The following SEMA3A variants were observed in gnomAD, a reference collection of about 807,000 sequenced individuals.
SEMA3A encodes semaphorin 3A.
A neutral mutation model predicts 97.9 loss-of-function variants in SEMA3A; 29 were observed. That is an observed-to-expected ratio of 0.30 (90% CI 0.22 to 0.40). SEMA3A has a LOEUF of 0.40. Among genes scored for constraint, SEMA3A ranks in the 10% least tolerant of loss-of-function variants. The pLI is 1.00. For synonymous variants in SEMA3A, 321 were observed against 323.7 expected (o/e 0.99, Z 0.09); for missense variants, 763 against 951.3 (o/e 0.80, Z 2.60).
chr7:84,425,048 A>G (rs796729893), intron 1 of SEMA3A, among the ~76,000 whole-genome samples: 1 of 103,720 alleles, frequency 9.6e-6, no homozygotes, highest in South Asian at 3.1e-4. Flanking sequence ...AATTATATAT[A>G]ATTATATAAT....
chr7:84,158,920 C>T (rs1414651709), intron 1 of SEMA3A, among the ~76,000 whole-genome samples: 4 of 151,944 alleles, frequency 2.6e-5, no homozygotes, highest in Admixed American at 6.6e-5. Context: ...CTGTAGATGA[C>T]AAGCATTTCC....
intron 1 of SEMA3A, among the ~76,000 whole-genome samples, chr7:84,423,663 T>G (rs1488124176): frequency 1.3e-5 from 2 of 152,058 alleles, no homozygotes; most frequent in East Asian, 3.8e-4. Flanking sequence ...TTTCCCCAAA[T>G]GAATATAAGC....
rs368021284 is a variant in SEMA3A at position 84,031,468 on chromosome 7, CCAAA to C, written c.667+14852_667+14855del. ...GATTGACAATAAACATGGTCAAAAACCAAACAAACAAAACCACTAAGCAATGGAA... is the reference window on the plus strand; with the variant it reads ...GATTGACAATAAACATGGTCAAAAACCAAACAAAACCACTAAGCAATGGAA... On this transcript the variant is annotated intron_variant, in intron 6 of 16. Coordinates refer to ENST00000265362, the MANE Select transcript of SEMA3A (RefSeq NM_006080.3). 3.3e-5 allele frequency among the ~76,000 whole-genome samples: 5 copies of C among 152,160 alleles called. No homozygotes were observed. In the East Asian group the frequency reaches 9.6e-4, roughly 29 times the overall value.
Position 84,232,719 on chromosome 7 carries a change from T to C in SEMA3A, c.-82-38051A>G, listed in dbSNP as rs28710138. Among the ~76,000 whole-genome samples the C allele has an allele frequency of 7.8e-4, 119 of 152,092 alleles. 1 individual carries two copies. Among genetic ancestry groups the C allele is most frequent in the African/African-American group, 2.7e-3 (114 of 41,550 alleles). ...TAATTTTCTTACAAAACTAACTTGG[T>C]GTTTCTATTTTCATTCATTTTCTTG... On this transcript the variant is annotated intron_variant, in intron 3 of 3. Transcript: ENST00000424555.
At chr7:84,200,213 A>C in intron 3 of SEMA3A, among the ~76,000 whole-genome samples, 1 of 152,074 alleles carries the variant, frequency 6.6e-6, no homozygotes, top group East Asian at 1.9e-4. Context: ...AATGTTTATG[A>C]TACTTTAAGG....
At chr7:84,145,689 T>C (rs1252055961) in intron 1 of SEMA3A, among the ~76,000 whole-genome samples, 4 of 152,228 alleles carry the variant, frequency 2.6e-5, no homozygotes, top group Non-Finnish European at 4.4e-5. Flanking sequence ...ATAAATTTCT[T>C]GAGAGTTCTG....
At chr7:84,323,173 T>G (rs1164333925) in intron 2 of SEMA3A, among the ~76,000 whole-genome samples, 1 of 152,228 alleles carries the variant, frequency 6.6e-6, no homozygotes, top group Non-Finnish European at 1.5e-5. Flanking sequence ...TTCTTTAACG[T>G]TCTCTGAAGA....
intron 5 of SEMA3A, among the ~76,000 whole-genome samples, chr7:84,047,616 C>T (rs570704598): frequency 6.6e-6 from 1 of 152,158 alleles, no homozygotes; most frequent in Non-Finnish European, 1.5e-5. Flanking sequence ...TGCCTTTCTA[C>T]ATACAGTGAG....
At chr7:84,091,172 GAAAGAAAGAAAGAAAGAAA>G (rs1794572253) in intron 4 of SEMA3A, among the ~76,000 whole-genome samples, 112 of 36,604 alleles carry the variant, frequency 3.1e-3, no homozygotes, top group African/African-American at 7.5e-3. Context: ...AGGAAGGAAA[GAAAGAAAGAAAGAAAGAAA>G]GAAAGAAAGA....
At chr7:84,148,012 G>T (rs546187600) in intron 1 of SEMA3A, among the ~76,000 whole-genome samples, 1 of 151,790 alleles carries the variant, frequency 6.6e-6, no homozygotes, top group Admixed American at 6.6e-5. Context: ...TGGGTTCAAG[G>T]GATTCTCATG....
rs1229351186 is a variant in SEMA3A, at chr7:83,957,060, A to C, written c.*4311T>G. The C allele has an allele frequency of 6.6e-6, 1 of 152,220 alleles. No homozygotes were observed. Among genetic ancestry groups the C allele is most frequent in the Non-Finnish European group, 1.5e-5 (1 of 68,106 alleles). The allele number at this position is 152,220 out of a possible 1,614,324, so 9.4% of individuals were successfully genotyped here. A position where few individuals can be genotyped will look rare whatever the true frequency, so the allele number is the denominator to read the frequency against. ...TGCTAGACACTGGGGACAGAGATCA[A>C]TTAGATACAAATCCTGCCCTCAAGG... is the stretch of plus-strand genomic sequence containing the variant. On this transcript the variant is annotated 3_prime_UTR_variant, in exon 17 of 17. Coordinates refer to ENST00000265362, the MANE Select transcript of SEMA3A (RefSeq NM_006080.3).
At chr7:84,108,670 C>A (rs915570306) in intron 4 of SEMA3A, among the ~76,000 whole-genome samples, 25 of 152,136 alleles carry the variant, frequency 1.6e-4, no homozygotes, top group African/African-American at 6.0e-4. Flanking sequence ...CTTTGGGAGG[C>A]TGAGGTGGGT....
chr7:84,337,825 A>G (rs1429694186), intron 2 of SEMA3A, among the ~76,000 whole-genome samples: 1 of 152,136 alleles, frequency 6.6e-6, no homozygotes, highest in East Asian at 1.9e-4. Flanking sequence ...GCCCCAAAGC[A>G]TTCTCAAAGA....
intron 1 of SEMA3A, among the ~76,000 whole-genome samples, chr7:84,444,941 C>T (rs964611950): frequency 1.3e-5 from 2 of 152,130 alleles, no homozygotes; most frequent in Non-Finnish European, 2.9e-5. Flanking sequence ...TTCACCCAAG[C>T]TTCTCCATAA....
intron 1 of SEMA3A, among the ~76,000 whole-genome samples, chr7:84,141,319 G>A (rs899864890): frequency 2.0e-5 from 3 of 152,158 alleles, no homozygotes; most frequent in Admixed American, 6.6e-5. Flanking sequence ...GGCCACAGCA[G>A]TCTATGAAAC....
At chr7:84,389,518 G>A (rs1051906506) in intron 1 of SEMA3A, among the ~76,000 whole-genome samples, 23 of 151,966 alleles carry the variant, frequency 1.5e-4, no homozygotes, top group Admixed American at 1.3e-3. Context: ...TGTAGTCCAC[G>A]CTGGTAGGGA....
At chr7:84,128,334 G>A (rs939468912) in intron 3 of SEMA3A, among the ~76,000 whole-genome samples, 4 of 151,532 alleles carry the variant, frequency 2.6e-5, no homozygotes, top group Non-Finnish European at 5.9e-5. Context: ...GAGATAAAAG[G>A]AAAAAAATGG....
intron 1 of SEMA3A, among the ~76,000 whole-genome samples, chr7:84,467,520 CCTT>C (rs1414957441): frequency 8.7e-6 from 1 of 115,500 alleles, no homozygotes. Flanking sequence ...GAGCGAGACT[CCTT>C]CTAAAAAAAA....
intron 2 of SEMA3A, among the ~76,000 whole-genome samples, chr7:84,312,495 T>C (rs1299672752): frequency 6.6e-6 from 1 of 151,636 alleles, no homozygotes; most frequent in African/African-American, 2.4e-5. Flanking sequence ...TAAAATAACC[T>C]GGAGCTTAAA....
Sources: allele counts gnomAD v4.1 joint callset (sites outside exome capture counted in the v4.1 genomes callset), GRCh38; gene constraint gnomAD v4.1.1; transcripts MANE v1.5; gene names NCBI Gene and HGNC (gene_info 2026-07-23, HGNC 2026-07-21).